Variants in LRMDA observed in about 807,000 individuals in gnomAD.
LRMDA encodes leucine rich melanocyte differentiation associated.
LRMDA carries 18 observed loss-of-function variants against 29.8 expected under a neutral mutation model. The observed-to-expected ratio is 0.60, with a 90% confidence interval of 0.42 to 0.90. The LOEUF is 0.90. LRMDA is among the 40% of genes least tolerant of loss of function. The pLI, the probability that LRMDA is intolerant of heterozygous loss-of-function variation, is 0.00. For synonymous variants in LRMDA, 125 were observed against 109.4 expected (o/e 1.14, Z -0.89); for missense variants, 273 against 273.9 (o/e 1.00, Z 0.02).
chr10:76,291,319 A>G (rs548499365), intron 5 of LRMDA, among the ~76,000 whole-genome samples: 2 of 152,322 alleles, frequency 1.3e-5, no homozygotes, highest in Admixed American at 6.5e-5. Flanking sequence ...ATTGTGATGA[A>G]CAATGTACAT....
At chr10:75,714,060 G>A (rs1589167675) in intron 2 of LRMDA, among the ~76,000 whole-genome samples, 1 of 152,144 alleles carries the variant, frequency 6.6e-6, no homozygotes, top group East Asian at 1.9e-4. Context: ...GTTATCTGAG[G>A]TAGGAACAGA....
intron 5 of LRMDA, among the ~76,000 whole-genome samples, chr10:76,295,860 C>T (rs1840405396): frequency 1.3e-5 from 2 of 152,142 alleles, no homozygotes; most frequent in African/African-American, 4.8e-5. Context: ...CCTAAAGTCA[C>T]CTCTTTGCTA....
At chr10:76,224,308 C>A (rs1001456830) in intron 5 of LRMDA, among the ~76,000 whole-genome samples, 1 of 150,206 alleles carries the variant, frequency 6.7e-6, no homozygotes, top group Non-Finnish European at 1.5e-5. Flanking sequence ...CATGATGGCT[C>A]AGCCTATAAT....
intron 2 of LRMDA, among the ~76,000 whole-genome samples, chr10:75,671,356 A>G (rs1418977493): frequency 1.3e-5 from 2 of 152,192 alleles, no homozygotes; most frequent in African/African-American, 2.4e-5. Flanking sequence ...TCATAACCCC[A>G]GATATCTCCA....
At chr10:75,814,990 G>T (rs1452373391) in intron 2 of LRMDA, among the ~76,000 whole-genome samples, 3 of 152,118 alleles carry the variant, frequency 2.0e-5, no homozygotes, top group Non-Finnish European at 2.9e-5. Context: ...TCACAAAAAA[G>T]CTTGTACCCA....
intron 2 of LRMDA, among the ~76,000 whole-genome samples, chr10:75,484,254 C>A (rs1308312154): frequency 6.6e-6 from 1 of 152,084 alleles, no homozygotes; most frequent in African/African-American, 2.4e-5. Context: ...CTGCACCTGG[C>A]CCTTCCCAGA....
chr10:75,772,773 A>G (rs1467323826), intron 2 of LRMDA, among the ~76,000 whole-genome samples: 1 of 145,428 alleles, frequency 6.9e-6, no homozygotes, highest in Non-Finnish European at 1.5e-5. Flanking sequence ...AGTTAGGTTT[A>G]GGTATATATT....
chr10:75,957,307 G>T (rs1041362627), intron 2 of LRMDA, among the ~76,000 whole-genome samples: 4 of 152,236 alleles, frequency 2.6e-5, no homozygotes, highest in African/African-American at 9.6e-5. Flanking sequence ...CTGGGGAGAT[G>T]AAGGAATATT....
chr10:76,046,747 G>A (rs963398968), intron 3 of LRMDA, among the ~76,000 whole-genome samples: 7 of 152,124 alleles, frequency 4.6e-5, no homozygotes, highest in East Asian at 3.9e-4. Context: ...GCCTCCCAAC[G>A]TACTGGAATT....
intron 2 of LRMDA, among the ~76,000 whole-genome samples, chr10:75,920,123 C>G (rs1846002880): frequency 6.6e-6 from 1 of 152,132 alleles, no homozygotes. Context: ...TTCCCAGTCT[C>G]TAGGCCTAGT....
intron 6 of LRMDA, among the ~76,000 whole-genome samples, chr10:76,374,521 G>A (rs1405616913): frequency 6.6e-6 from 1 of 152,128 alleles, no homozygotes; most frequent in East Asian, 1.9e-4. Flanking sequence ...TTGGCATGAG[G>A]TAGACAAGTA....
chr10:75,567,711 A>T (rs1840390440), intron 2 of LRMDA, among the ~76,000 whole-genome samples: 1 of 152,230 alleles, frequency 6.6e-6, no homozygotes, highest in Non-Finnish European at 1.5e-5. Context: ...CAGAAAACGC[A>T]TGTATTATAT....
At chr10:75,949,720 G>T (rs1846540093) in intron 2 of LRMDA, among the ~76,000 whole-genome samples, 1 of 152,118 alleles carries the variant, frequency 6.6e-6, no homozygotes, top group Non-Finnish European at 1.5e-5. Flanking sequence ...GGCACAACAG[G>T]CTTTGAAAAC....
intron 6 of LRMDA, among the ~76,000 whole-genome samples, chr10:76,388,111 C>G (rs10824413): frequency 0.32 from 48,219 of 151,974 alleles, 10,651 homozygotes; most frequent in African/African-American, 0.62. Flanking sequence ...ATGAAATGTG[C>G]GATACAGCTA....
At chr10:76,308,542 T>C (rs928694856) in intron 5 of LRMDA, among the ~76,000 whole-genome samples, 8 of 152,030 alleles carry the variant, frequency 5.3e-5, no homozygotes, top group Admixed American at 2.6e-4. Context: ...AAGATTCCAG[T>C]AGAACCAGCC....
chr10:75,551,013 ACTATCTTTTCTTTAGACAGCAATTAT>A (rs1840135976), intron 2 of LRMDA, among the ~76,000 whole-genome samples: 1 of 151,754 alleles, frequency 6.6e-6, no homozygotes, highest in Non-Finnish European at 1.5e-5. Flanking sequence ...GATCATTGGT[ACTATCTTTTCTTTAGACAGCAATTAT>A]CTTTTTTTTT....
At chr10:75,572,221 G>A (rs551885140) in intron 2 of LRMDA, among the ~76,000 whole-genome samples, 7 of 152,022 alleles carry the variant, frequency 4.6e-5, no homozygotes, top group Non-Finnish European at 8.8e-5. Context: ...CAAAGTGCTG[G>A]GATTATGGGC....
At chr10:76,445,622 A>G (rs1006136984) in intron 6 of LRMDA, among the ~76,000 whole-genome samples, 2 of 152,254 alleles carry the variant, frequency 1.3e-5, no homozygotes, top group Non-Finnish European at 1.5e-5. Context: ...TCTCCAGCAA[A>G]TAAGTTCAAC....
intron 2 of LRMDA, among the ~76,000 whole-genome samples, chr10:75,973,136 A>G (rs533681440): frequency 6.6e-6 from 1 of 151,858 alleles, no homozygotes; most frequent in South Asian, 2.1e-4. Flanking sequence ...TCCACTCTCC[A>G]CTCATTTTCC....
Sources: gnomAD v4.1 joint callset for allele counts (sites outside exome capture counted in the v4.1 genomes callset) on GRCh38, gnomAD v4.1.1 for gene constraint, MANE v1.5 for transcripts, NCBI Gene and HGNC (gene_info 2026-07-23, HGNC 2026-07-21) for gene names.